The following PILRA variants were observed in gnomAD, a reference collection of about 807,000 sequenced individuals.
PILRA encodes paired immunoglobulin-like type 2 receptor alpha.
A neutral mutation model predicts 33.1 loss-of-function variants in PILRA; 37 were observed. The ratio of observed to expected loss-of-function variants is 1.12; its 90% CI spans 0.86 to 1.47. The LOEUF (loss-of-function observed/expected upper bound fraction) is 1.47, where lower values mean the gene tolerates loss of function less well. PILRA is among the 40% of genes most tolerant of loss of function. The pLI is 0.00. For missense variants in PILRA, 312 were observed against 376.2 expected (o/e 0.83, Z 1.41); for synonymous variants, 146 against 149.9 (o/e 0.97, Z 0.19).
At position 100,399,406 on chromosome 7, in the gene PILRA, C is replaced by A. The variant is rs148484384; in HGVS notation, c.757+66C>A. On this transcript the variant is annotated intron_variant, in intron 5 of 6. Coordinates refer to ENST00000198536, the MANE Select transcript of PILRA (RefSeq NM_013439.3). ...GCACTTCCTGTTTCCCCAAATACCC[C>A]CTACCTGGGTCCGTGCCCCTGTCAG... is the stretch of plus-strand genomic sequence containing the variant. The A allele has an allele frequency of 9.5e-4, 1,374 of 1,448,474 alleles. 1 individual carries two copies. Among genetic ancestry groups the A allele is most frequent in the Admixed American group, 1.4e-3 (84 of 59,442 alleles). The allele number at this position is 1,448,474 out of a possible 1,614,324, so 89.7% of individuals were successfully genotyped here.
At chr7:100,375,532 G>A (rs1790923823) in intron 2 of PILRA, among the ~76,000 whole-genome samples, 1 of 152,166 alleles carries the variant, frequency 6.6e-6, no homozygotes, top group Non-Finnish European at 1.5e-5. Flanking sequence ...AGGAGTTCGA[G>A]ACCAGCCTGG....
intron 3 of PILRA, among the ~76,000 whole-genome samples, chr7:100,395,793 C>T (rs1029952158): frequency 6.6e-6 from 1 of 151,922 alleles, no homozygotes; most frequent in Admixed American, 6.6e-5. Context: ...TAAAATAGTG[C>T]AAATGATACA....
At chr7:100,375,500 G>C (rs1422274452) in intron 2 of PILRA, among the ~76,000 whole-genome samples, 1 of 152,208 alleles carries the variant, frequency 6.6e-6, no homozygotes, top group Non-Finnish European at 1.5e-5. Flanking sequence ...GGGAGGCCAA[G>C]GTGGGTGGAT....
intron 2 of PILRA, among the ~76,000 whole-genome samples, chr7:100,382,692 T>C (rs1025397617): frequency 1.3e-5 from 2 of 152,248 alleles, no homozygotes; most frequent in Non-Finnish European, 2.9e-5. Flanking sequence ...GGTTCTCTTC[T>C]ACGGTGTGGA....
chr7:100,395,063 A>G (rs568431649), intron 3 of PILRA, among the ~76,000 whole-genome samples: 2 of 152,376 alleles, frequency 1.3e-5, no homozygotes, highest in South Asian at 2.1e-4. Context: ...TGTAAATTAT[A>G]TATCTGATAA....
intron 2 of PILRA, among the ~76,000 whole-genome samples, chr7:100,386,747 CA>C (rs1414448085): frequency 1.3e-5 from 2 of 149,172 alleles, no homozygotes. Flanking sequence ...AGGCTGGTCT[CA>C]AAACTCCTGG....
chr7:100,399,185 C>G (rs1791577339), intron 4 of PILRA, 106 bp from the exon 5 acceptor site: 2 of 716,962 alleles, frequency 2.8e-6, no homozygotes, highest in Admixed American at 5.0e-5. Context: ...GCAATGGCCA[C>G]CTGCCTCAGT....
In PILRA at chr7:100,374,192, G is replaced by C. The variant is rs934988782; in HGVS notation, c.213G>C (p.Trp71Cys). 17 of 1,613,964 alleles carry C rather than the reference G, an allele frequency of 1.1e-5. No homozygotes were observed. In the African/African-American group the frequency reaches 2.1e-4, roughly 20 times the overall value. ...LATAPDVRIS[W>C]RRGHFHRQSF... The stretch of plus-strand genomic sequence containing the variant: ...CAGCTCCCGACGTGAGAATATCCTG[G>C]AGACGGGGCCACTTCCACAGGCAGT... The change falls in exon 2 of 7, where the codon TGG (tryptophan) becomes TGC (cysteine). Residue 71 changes from tryptophan (W) to cysteine (C), a missense_variant. Transcript: ENST00000198536.
intron 2 of PILRA, among the ~76,000 whole-genome samples, chr7:100,379,378 C>A (rs1311787106): frequency 2.0e-5 from 3 of 151,128 alleles, no homozygotes; most frequent in African/African-American, 7.3e-5. Flanking sequence ...GACTCTGTCT[C>A]AAAAAAAGGC....
At chr7:100,377,253 T>A (rs1358781077) in intron 2 of PILRA, among the ~76,000 whole-genome samples, 2 of 123,192 alleles carry the variant, frequency 1.6e-5, no homozygotes, top group African/African-American at 6.0e-5. Context: ...TTTTTTTTTT[T>A]TTTTTGAGAT....
In PILRA at chr7:100,373,789, G is replaced by A. The variant is rs1161495698; in HGVS notation, c.64+69G>A. On this transcript the variant is annotated intron_variant, in intron 1 of 6. Transcript: ENST00000198536. Reference sequence around the variant, plus strand: ...CAGGAGGGGCCAACCCGAGACAAAGGTGGGACATCTTGGGGAGGGCCCAGG... The same window carrying A: ...CAGGAGGGGCCAACCCGAGACAAAGATGGGACATCTTGGGGAGGGCCCAGG... 4 of 1,591,332 alleles carry A rather than the reference G, an allele frequency of 2.5e-6. No individual in the cohort carries two copies. The East Asian group carries it at 8.9e-5, about 36-fold the overall frequency.
chr7:100,389,588 GA>G (rs1255406457), intron 2 of PILRA, among the ~76,000 whole-genome samples: 4 of 143,098 alleles, frequency 2.8e-5, no homozygotes, highest in Admixed American at 2.1e-4. Flanking sequence ...AAGGAAGGAA[GA>G]AATGGAAGGA....
chr7:100,389,773 A>G, intron 2 of PILRA, 115 bp from the exon 3 acceptor site: 1 of 809,796 alleles, frequency 1.2e-6, no homozygotes, highest in Non-Finnish European at 2.1e-6. Flanking sequence ...TGGGCTTCAG[A>G]GAGGAGCTCC....
At chr7:100,387,040 A>G (rs1490345496) in intron 2 of PILRA, among the ~76,000 whole-genome samples, 11 of 152,224 alleles carry the variant, frequency 7.2e-5, no homozygotes. Flanking sequence ...GTTCTTGCAT[A>G]GCATTCTCAT....
In PILRA at chr7:100,373,730, C is replaced by G. The variant is rs1790873016; in HGVS notation, c.64+10C>G. 6.2e-7 allele frequency: 1 copy of G among 1,612,742 alleles called. No homozygotes were observed. Among genetic ancestry groups the G allele is most frequent in the Non-Finnish European group, 8.5e-7 (1 of 1,179,954 alleles). On this transcript the variant is annotated intron_variant, in intron 1 of 6. Coordinates refer to ENST00000198536, the MANE Select transcript of PILRA (RefSeq NM_013439.3). ...GCATTTCTGCAGCCTAGTGAGTACCCAGGACCACCCAGATGTGGGCTCTGC... is the reference window on the plus strand; with the variant it reads ...GCATTTCTGCAGCCTAGTGAGTACCGAGGACCACCCAGATGTGGGCTCTGC...
At chr7:100,382,036 G>A (rs1240082051) in intron 2 of PILRA, among the ~76,000 whole-genome samples, 3 of 96,374 alleles carry the variant, frequency 3.1e-5, no homozygotes, top group African/African-American at 1.2e-4. Context: ...AGGCTCCAGC[G>A]CGGCCCAAGC....
intron 2 of PILRA, among the ~76,000 whole-genome samples, chr7:100,375,487 T>G (rs966551487): frequency 1.1e-4 from 17 of 152,178 alleles, no homozygotes; most frequent in Non-Finnish European, 1.5e-4. Context: ...ATCACAACAC[T>G]TTGGGAGGCC....
rs557156789 is a variant in PILRA, at chr7:100,385,411, TA to T, written c.455-4470del. 1.7e-3 allele frequency among the ~76,000 whole-genome samples: 265 copies of T among 152,248 alleles called. 1 individual carries two copies. Among genetic ancestry groups the T allele is most frequent in the African/African-American group, 6.1e-3 (254 of 41,544 alleles). ...GTACTGGTAATACTTACACATAATT[TA>T]AAAAAATACAGAAGGAAGTCAAATA... On this transcript the variant is annotated intron_variant, in intron 2 of 6. Coordinates refer to ENST00000198536, the MANE Select transcript of PILRA (RefSeq NM_013439.3).
chr7:100,385,733 G>A (rs777420549), intron 2 of PILRA, among the ~76,000 whole-genome samples: 12 of 152,048 alleles, frequency 7.9e-5, no homozygotes, highest in Admixed American at 3.9e-4. Flanking sequence ...GGGTTCATGC[G>A]ATTCTCCTGC....
Sources: allele counts gnomAD v4.1 joint callset (sites outside exome capture counted in the v4.1 genomes callset), GRCh38; gene constraint gnomAD v4.1.1; transcripts MANE v1.5; gene names NCBI Gene and HGNC (gene_info 2026-07-23, HGNC 2026-07-21).